Variants in ZCCHC4 observed in about 807,000 individuals in gnomAD.
ZCCHC4 encodes rRNA N(6)-adenosine-methyltransferase ZCCHC4.
ZCCHC4 carries 54 observed loss-of-function variants against 67.7 expected under a neutral mutation model. The observed-to-expected ratio is 0.80, with a 90% confidence interval of 0.64 to 1.00. The LOEUF (loss-of-function observed/expected upper bound fraction) is 1.00. ZCCHC4 is among the 50% of genes least tolerant of loss of function. The pLI is 0.00. For missense variants in ZCCHC4, 609 were observed against 617.0 expected (o/e 0.99, Z 0.14); for synonymous variants, 198 against 213.5 (o/e 0.93, Z 0.63).
intron 3 of ZCCHC4, among the ~76,000 whole-genome samples, chr4:25,320,039 A>G (rs1718495450): frequency 6.6e-6 from 1 of 152,124 alleles, no homozygotes; most frequent in South Asian, 2.1e-4. Context: ...GCTGATTTTT[A>G]TTATAGGATT....
At chr4:25,342,196 G>T (rs1719787544) in intron 5 of ZCCHC4, among the ~76,000 whole-genome samples, 1 of 152,076 alleles carries the variant, frequency 6.6e-6, no homozygotes, top group African/African-American at 2.4e-5. Flanking sequence ...CTCTGAGGCT[G>T]GTTACCTGTA....
At chr4:25,364,737 A>G (rs552680429) in intron 11 of ZCCHC4, among the ~76,000 whole-genome samples, 13 of 152,348 alleles carry the variant, frequency 8.5e-5, no homozygotes, top group African/African-American at 2.9e-4. Flanking sequence ...GACTTATTTT[A>G]ATAAGGCATT....
chr4:25,341,017 T>A lies in ZCCHC4; in HGVS notation c.687-4531T>A, dbSNP rs185734124. Among the ~76,000 whole-genome samples the A allele has an allele frequency of 3.9e-5, 6 of 152,282 alleles. No individual in the cohort carries two copies. In the East Asian group the frequency reaches 1.2e-3, roughly 29 times the overall value. On this transcript the variant is annotated intron_variant, in intron 5 of 12. Transcript: ENST00000302874. Reference sequence around the variant, plus strand: ...ATAATATCGTCTCTTCCTTATGATTTTTTTTAATAGAAACGGGACTTGCTG... The same window carrying A: ...ATAATATCGTCTCTTCCTTATGATTATTTTTAATAGAAACGGGACTTGCTG...
At chr4:25,324,813 A>T (rs1718774840) in intron 3 of ZCCHC4, among the ~76,000 whole-genome samples, 1 of 152,100 alleles carries the variant, frequency 6.6e-6, no homozygotes, top group Non-Finnish European at 1.5e-5. Context: ...TTATGTGCTT[A>T]TTGACTGTTT....
chr4:25,355,610 T>C (rs1720486685), intron 8 of ZCCHC4, among the ~76,000 whole-genome samples: 1 of 152,238 alleles, frequency 6.6e-6, no homozygotes, highest in Non-Finnish European at 1.5e-5. Context: ...AAAGCTATCC[T>C]TTTTAAACAT....
intron 10 of ZCCHC4, among the ~76,000 whole-genome samples, chr4:25,363,077 G>T (rs1026531260): frequency 6.6e-6 from 1 of 152,120 alleles, no homozygotes; most frequent in African/African-American, 2.4e-5. Context: ...CATTCTATGG[G>T]TTTGAAAAAT....
At chr4:25,346,191 C>T (rs181703336) in intron 6 of ZCCHC4, among the ~76,000 whole-genome samples, 21 of 152,034 alleles carry the variant, frequency 1.4e-4, no homozygotes, top group Admixed American at 1.2e-3. Context: ...ATTCCTTCCT[C>T]TCACTTTTTC....
At chr4:25,336,711 T>C (rs1282803968) in intron 5 of ZCCHC4, among the ~76,000 whole-genome samples, 2 of 152,216 alleles carry the variant, frequency 1.3e-5, no homozygotes, top group Non-Finnish European at 2.9e-5. Flanking sequence ...GATCTTGAAC[T>C]CCTGACCTCA....
intron 3 of ZCCHC4, among the ~76,000 whole-genome samples, chr4:25,323,454 G>A (rs1236395046): frequency 6.6e-6 from 1 of 151,620 alleles, no homozygotes; most frequent in African/African-American, 2.4e-5. Context: ...AAAATTTGGT[G>A]TTTTGTAGTT....
At chr4:25,329,055 C>T (rs1298267449) in intron 3 of ZCCHC4, among the ~76,000 whole-genome samples, 1 of 151,916 alleles carries the variant, frequency 6.6e-6, no homozygotes, top group Non-Finnish European at 1.5e-5. Flanking sequence ...GGTGTGGTGG[C>T]AAGCACCTGT....
In ZCCHC4 at chr4:25,333,251, T is replaced by C. The variant is rs769861674; in HGVS notation, c.398T>C (p.Leu133Ser). 3 of 1,614,202 alleles carry C rather than the reference T, an allele frequency of 1.9e-6. No homozygotes were observed. The highest frequency in any genetic ancestry group is 2.5e-6 in the Non-Finnish European group (3 of 1,180,022). Residue 133 changes from leucine (L) to serine (S), a missense_variant, in exon 4 of 13, where the codon TTA becomes TCA. By Grantham distance (145) the Leu-to-Ser change is moderately radical. Transcript: ENST00000302874. ...KFCQTCQQLLLPDDWGQHSEH... is the reference protein window; with the variant it reads ...KFCQTCQQLLSPDDWGQHSEH... ...TGTCAAACATGTCAGCAGTTGTTGT[T>C]ACCAGATGACTGGGGGCAACATAGT... is the stretch of plus-strand genomic sequence containing the variant.
chr4:25,361,224 G>A (rs977521720), intron 8 of ZCCHC4, among the ~76,000 whole-genome samples: 1 of 152,218 alleles, frequency 6.6e-6, no homozygotes, highest in African/African-American at 2.4e-5. Context: ...TTGGGGTAAC[G>A]TCACCATGAG....
intron 4 of ZCCHC4, 129 bp downstream of exon 4, chr4:25,333,587 C>T: frequency 6.7e-6 from 7 of 1,043,884 alleles, no homozygotes; most frequent in Admixed American, 5.1e-5. Context: ...ATGTAAAGCA[C>T]AGTCCCTCTC....
intron 3 of ZCCHC4, among the ~76,000 whole-genome samples, chr4:25,325,436 T>C (rs1337919374): frequency 1.3e-5 from 2 of 150,736 alleles, no homozygotes; most frequent in Non-Finnish European, 3.0e-5. Context: ...CCCGGCTAAT[T>C]TTTTTTTAGT....
chr4:25,334,952 CTCAG>C (rs1719377072), intron 5 of ZCCHC4, among the ~76,000 whole-genome samples: 2 of 152,046 alleles, frequency 1.3e-5, no homozygotes, highest in Admixed American at 1.3e-4. Flanking sequence ...ATCCTCTAAC[CTCAG>C]TCCCCCTAGT....
rs183251613 is a variant in ZCCHC4 at position 25,367,276 on chromosome 4, G to A, written c.1407-1753G>A. ...CTATAATTTAAAGGACAAATACTAG[G>A]TCAATTTAATTTTAAGACAAAATAA... On this transcript the variant is annotated intron_variant, in intron 12 of 12. Transcript: ENST00000302874. Among the ~76,000 whole-genome samples, 9 of 152,192 alleles carry A rather than the reference G, an allele frequency of 5.9e-5. No homozygotes were observed. The East Asian group carries it at 1.7e-3, about 29-fold the overall frequency.
At chr4:25,325,808 C>G (rs1718851230) in intron 3 of ZCCHC4, among the ~76,000 whole-genome samples, 1 of 151,994 alleles carries the variant, frequency 6.6e-6, no homozygotes. Flanking sequence ...AGAGTTAGGT[C>G]TATGATCTAT....
In ZCCHC4 at chr4:25,360,146, G is replaced by A. The variant is rs555362289; in HGVS notation, c.1012-1713G>A. Among the ~76,000 whole-genome samples the A allele has an allele frequency of 2.0e-5, 3 of 152,302 alleles. No homozygotes were observed. The South Asian group carries it at 6.2e-4, about 32-fold the overall frequency. On this transcript the variant is annotated intron_variant, in intron 8 of 12. Transcript: ENST00000302874. ...AGTGGACTTTCATAGTGTTGCCGCA[G>A]GGCTTTTTGCATAGCCCCACCATTA... is the stretch of plus-strand genomic sequence containing the variant.
intron 5 of ZCCHC4, among the ~76,000 whole-genome samples, chr4:25,340,014 G>A (rs185226744): frequency 0.012 from 1,892 of 151,970 alleles, 19 homozygotes; most frequent in Middle Eastern, 0.031. Flanking sequence ...AACTACAGGC[G>A]CCTGCCACCA....
Sources: gnomAD v4.1 joint callset for allele counts (sites outside exome capture counted in the v4.1 genomes callset) on GRCh38, gnomAD v4.1.1 for gene constraint, MANE v1.5 for transcripts, NCBI Gene and HGNC (gene_info 2026-07-23, HGNC 2026-07-21) for gene names.